MACROD2: variants seen among roughly 807,000 people sequenced by gnomAD.
MACROD2 encodes the protein mono-ADP ribosylhydrolase 2, also known as ADP-ribose glycohydrolase MACROD2.
A neutral mutation model predicts 70.4 loss-of-function variants in MACROD2; 36 were observed. The ratio of observed to expected loss-of-function variants is 0.51; its 90% CI spans 0.39 to 0.68. The LOEUF (loss-of-function observed/expected upper bound fraction) is 0.68, where lower values mean the gene tolerates loss of function less well. Ranked by LOEUF, MACROD2 falls within the 30% of genes least tolerant of loss-of-function variation. The pLI is 0.00. For missense variants in MACROD2, 496 were observed against 538.4 expected (o/e 0.92, Z 0.78); for synonymous variants, 172 against 178.8 (o/e 0.96, Z 0.30).
chr20:15,772,084 C>CAAAAAAAA (rs753205618), intron 8 of MACROD2, among the ~76,000 whole-genome samples: 1 of 70,710 alleles, frequency 1.4e-5, no homozygotes, highest in African/African-American at 4.9e-5. Context: ...GACTCGGTCT[C>CAAAAAAAA]AAAAAAAAAA....
chr20:15,673,456 A>T (rs141108923), intron 8 of MACROD2, among the ~76,000 whole-genome samples: 660 of 152,304 alleles, frequency 4.3e-3, no homozygotes, highest in Non-Finnish European at 7.1e-3. Context: ...TGGCTAACTC[A>T]TGTCAGAAGT....
intron 3 of MACROD2, among the ~76,000 whole-genome samples, chr20:14,272,411 G>A (rs1276219256): frequency 1.3e-5 from 2 of 151,694 alleles, no homozygotes; most frequent in Non-Finnish European, 2.9e-5. Context: ...ATAAGTGAAG[G>A]AGAAATAAAA....
intron 5 of MACROD2, among the ~76,000 whole-genome samples, chr20:14,807,473 C>T (rs2072653669): frequency 1.3e-5 from 2 of 152,056 alleles, no homozygotes; most frequent in African/African-American, 2.4e-5. Context: ...GATAAACCCA[C>T]GAAGATGAGG....
intron 3 of MACROD2, among the ~76,000 whole-genome samples, chr20:14,410,374 A>T: frequency 6.6e-6 from 1 of 150,914 alleles, no homozygotes; most frequent in Non-Finnish European, 1.5e-5. Context: ...TTAAATCCTC[A>T]CTCCACTTCC....
At chr20:14,765,798 C>T (rs1256579565) in intron 5 of MACROD2, among the ~76,000 whole-genome samples, 1 of 152,100 alleles carries the variant, frequency 6.6e-6, no homozygotes, top group Non-Finnish European at 1.5e-5. Context: ...ATGGCTCCTT[C>T]CCATTGTCAC....
At chr20:14,837,604 C>T (rs1327206662) in intron 5 of MACROD2, among the ~76,000 whole-genome samples, 1 of 151,948 alleles carries the variant, frequency 6.6e-6, no homozygotes, top group African/African-American at 2.4e-5. Flanking sequence ...TGAGATGGTA[C>T]TACAACAGGC....
intron 3 of MACROD2, among the ~76,000 whole-genome samples, chr20:14,361,889 C>G (rs1038879302): frequency 6.6e-6 from 1 of 152,204 alleles, no homozygotes; most frequent in South Asian, 2.1e-4. Flanking sequence ...CTGTTTTGCC[C>G]ATAGCTCACC....
rs540743410 is a variant in MACROD2, at chr20:15,821,139, A to G, written c.646-41606A>G. Reference sequence around the variant, plus strand: ...TAAATTCTTAATTTTAATAAAATTCAGTTCTTCTCCTTTATAGTTACTTCG... The same window carrying G: ...TAAATTCTTAATTTTAATAAAATTCGGTTCTTCTCCTTTATAGTTACTTCG... On this transcript the variant is annotated intron_variant, in intron 8 of 17. Coordinates refer to ENST00000684519, the MANE Select transcript of MACROD2 (RefSeq NM_001351661.2). 2.5e-3 allele frequency among the ~76,000 whole-genome samples: 375 copies of G among 152,260 alleles called. 2 individuals carry two copies. Among genetic ancestry groups the G allele is most frequent in the African/African-American group, 8.4e-3 (351 of 41,572 alleles).
chr20:14,652,421 A>G (rs1985724889), intron 4 of MACROD2, among the ~76,000 whole-genome samples: 1 of 152,192 alleles, frequency 6.6e-6, no homozygotes, highest in Non-Finnish European at 1.5e-5. Flanking sequence ...CATTTATTCC[A>G]CTAGAATTCC....
intron 8 of MACROD2, among the ~76,000 whole-genome samples, chr20:15,820,678 A>G (rs891331475): frequency 1.1e-4 from 17 of 152,212 alleles, no homozygotes; most frequent in African/African-American, 3.9e-4. Context: ...GTTCACTGCT[A>G]TCTTTTCTCT....
intron 8 of MACROD2, among the ~76,000 whole-genome samples, chr20:15,633,745 A>G (rs147895708): frequency 6.6e-6 from 1 of 152,274 alleles, no homozygotes; most frequent in African/African-American, 2.4e-5. Flanking sequence ...TAATTAAGTT[A>G]ATAGTATTTT....
At chr20:15,710,866 T>G (rs573575110) in intron 8 of MACROD2, among the ~76,000 whole-genome samples, 1 of 152,194 alleles carries the variant, frequency 6.6e-6, no homozygotes, top group Non-Finnish European at 1.5e-5. Context: ...AATGATGTAT[T>G]GGCCCCCAGA....
At chr20:14,952,317 T>C in intron 5 of MACROD2, among the ~76,000 whole-genome samples, 1 of 152,178 alleles carries the variant, frequency 6.6e-6, no homozygotes, top group Non-Finnish European at 1.5e-5. Flanking sequence ...GGGTATAATG[T>C]TGCCATCTAA....
chr20:15,425,921 C>A (rs980892586), intron 6 of MACROD2, among the ~76,000 whole-genome samples: 2 of 152,168 alleles, frequency 1.3e-5, no homozygotes, highest in Non-Finnish European at 2.9e-5. Context: ...TTTTGAGACA[C>A]TGTTAGGGTC....
intron 6 of MACROD2, among the ~76,000 whole-genome samples, chr20:15,282,340 C>G (rs748923752): frequency 6.6e-6 from 1 of 152,166 alleles, no homozygotes; most frequent in Admixed American, 6.5e-5. Flanking sequence ...TCTTTTTTAT[C>G]GTATTGTCAG....
intron 6 of MACROD2, among the ~76,000 whole-genome samples, chr20:15,320,156 A>T (rs2077858638): frequency 2.0e-5 from 3 of 152,268 alleles, no homozygotes; most frequent in Admixed American, 6.5e-5. Context: ...GTGAGCCAAG[A>T]TTTTGCCACT....
At chr20:15,862,447 A>G (rs1219930428) in intron 8 of MACROD2, among the ~76,000 whole-genome samples, 1 of 152,142 alleles carries the variant, frequency 6.6e-6, no homozygotes, top group Non-Finnish European at 1.5e-5. Flanking sequence ...CTCAGATCTT[A>G]TTTATAGCTT....
intron 5 of MACROD2, among the ~76,000 whole-genome samples, chr20:14,920,821 G>A (rs1202067863): frequency 6.6e-6 from 1 of 152,142 alleles, no homozygotes; most frequent in Non-Finnish European, 1.5e-5. Flanking sequence ...GGAAAGTGGG[G>A]AAATCACTTT....
chr20:14,682,495 CAT>C (rs1218975350), intron 4 of MACROD2, among the ~76,000 whole-genome samples: 2 of 151,052 alleles, frequency 1.3e-5, no homozygotes, highest in South Asian at 4.2e-4. Flanking sequence ...ATATTCAGTA[CAT>C]ATATATATGT....
Sources: allele counts gnomAD v4.1 joint callset (sites outside exome capture counted in the v4.1 genomes callset), GRCh38; gene constraint gnomAD v4.1.1; transcripts MANE v1.5; gene names NCBI Gene and HGNC (gene_info 2026-07-23, HGNC 2026-07-21).